The following SLC1A2 variants were observed in gnomAD, a reference collection of about 807,000 sequenced individuals.
SLC1A2 encodes the protein excitatory amino acid transporter 2.
SLC1A2 carries 15 observed loss-of-function variants against 48.8 expected under a neutral mutation model. The observed-to-expected ratio is 0.31, with a 90% CI of 0.21 to 0.47. SLC1A2 has a LOEUF of 0.47. SLC1A2 is among the 20% of genes least tolerant of loss of function. SLC1A2 has a pLI of 0.99. For missense variants in SLC1A2, 502 were observed against 730.5 expected, an observed-to-expected ratio of 0.69 and a Z score of 3.61; for synonymous variants, 279 against 272.6, an observed-to-expected ratio of 1.02 and a Z score of -0.23.
intron 1 of SLC1A2, among the ~76,000 whole-genome samples, chr11:35,399,410 C>CTCTAAATCTAAATCTAAATCTAAA (rs1319648560): frequency 6.6e-6 from 1 of 152,210 alleles, no homozygotes; most frequent in Non-Finnish European, 1.5e-5. Flanking sequence ...TGATTGATTT[C>CTCTAAATCTAAATCTAAATCTAAA]TCTAAAAGAT....
At chr11:35,302,449 G>C (rs1851383823) in intron 5 of SLC1A2, among the ~76,000 whole-genome samples, 2 of 151,970 alleles carry the variant, frequency 1.3e-5, no homozygotes, top group African/African-American at 4.8e-5. Flanking sequence ...TGACATTCTT[G>C]ACTTGTATCT....
intron 1 of SLC1A2, among the ~76,000 whole-genome samples, chr11:35,327,080 G>A (rs544725478): frequency 6.6e-6 from 1 of 152,298 alleles, no homozygotes; most frequent in African/African-American, 2.4e-5. Flanking sequence ...GAAGTCAACC[G>A]TGTTTGAAAT....
intron 9 of SLC1A2, 30 bp from the exon 10 acceptor site, chr11:35,265,788 G>A (rs1220191827): frequency 7.0e-7 from 1 of 1,422,956 alleles, no homozygotes; most frequent in African/African-American, 1.4e-5. Context: ...AAGGTTCAGT[G>A]AGGAAGCAGT....
chr11:35,342,343 T>G (rs944652399), intron 1 of SLC1A2, among the ~76,000 whole-genome samples: 1 of 152,210 alleles, frequency 6.6e-6, no homozygotes, highest in Admixed American at 6.5e-5. Flanking sequence ...TTATCCAGGA[T>G]GTACTAAGCT....
At chr11:35,291,208 G>A (rs1218303589) in intron 7 of SLC1A2, among the ~76,000 whole-genome samples, 4 of 152,122 alleles carry the variant, frequency 2.6e-5, no homozygotes, top group African/African-American at 9.7e-5. Context: ...ATGATTGCAA[G>A]CTGAAAGTAA....
In SLC1A2 at chr11:35,306,156, G is replaced by A. The variant is rs770890689; in HGVS notation, c.648C>T (p.Asn216=). 9.3e-6 allele frequency: 15 copies of A among 1,613,974 alleles called. No homozygotes were observed. Among genetic ancestry groups the A allele is most frequent in the East Asian group, 2.2e-5 (1 of 44,878 alleles). The part of the protein sequence containing the change: ...NATSAVVSLL[N]ETVTEVPEET... ...CCTCCGGCACCTCAGTCACAGTCTCGTTCAACAGAGAGACAACAGCGCTGG... is the reference window on the plus strand; with the variant it reads ...CCTCCGGCACCTCAGTCACAGTCTCATTCAACAGAGAGACAACAGCGCTGG... The change falls in exon 5 of 11, where the codon AAC becomes AAT. Residue 216 remains asparagine (N), a synonymous_variant. Coordinates refer to ENST00000278379, the MANE Select transcript of SLC1A2 (RefSeq NM_004171.4).
chr11:35,267,634 C>A (rs895341360), intron 9 of SLC1A2, among the ~76,000 whole-genome samples: 1 of 152,154 alleles, frequency 6.6e-6, no homozygotes, highest in African/African-American at 2.4e-5. Flanking sequence ...AACTAGCTGA[C>A]CTATTTGTCC....
intron 1 of SLC1A2, chr11:35,374,429 CT>C: frequency 2.2e-6 from 1 of 462,668 alleles, no homozygotes; most frequent in Non-Finnish European, 4.1e-6. Context: ...GAAAAGAGAC[CT>C]ACAATTTGAA....
chr11:35,368,881 C>G (rs1459285517), intron 1 of SLC1A2, among the ~76,000 whole-genome samples: 1 of 152,226 alleles, frequency 6.6e-6, no homozygotes, highest in Non-Finnish European at 1.5e-5. Flanking sequence ...TCTTGTCTAG[C>G]ACCACTTGGA....
At chr11:35,354,202 A>G (rs1853374665) in intron 1 of SLC1A2, among the ~76,000 whole-genome samples, 1 of 152,182 alleles carries the variant, frequency 6.6e-6, no homozygotes, top group South Asian at 2.1e-4. Context: ...CTGTAATCCC[A>G]GGGCTTTTGG....
intron 1 of SLC1A2, among the ~76,000 whole-genome samples, chr11:35,373,300 T>C (rs773376568): frequency 2.6e-4 from 39 of 152,206 alleles, no homozygotes; most frequent in Non-Finnish European, 2.6e-4. Flanking sequence ...CAACACCTTC[T>C]TTCAGACCTC....
At chr11:35,294,955 G>A (rs919194892) in intron 6 of SLC1A2, among the ~76,000 whole-genome samples, 2 of 152,224 alleles carry the variant, frequency 1.3e-5, no homozygotes, top group African/African-American at 4.8e-5. Flanking sequence ...GGAATAGGAT[G>A]AGCATTAAGT....
rs1950328529 is a variant in SLC1A2 at position 35,257,434 on chromosome 11, T to C, written c.*3460A>G. On this transcript the variant is annotated 3_prime_UTR_variant, in exon 11 of 11. Coordinates refer to ENST00000278379, the MANE Select transcript of SLC1A2 (RefSeq NM_004171.4). ...TTCCGCAGACAGCAAAACCATAGGC[T>C]GTGTTTCTACACACTCAATAGGAAG... The C allele has an allele frequency of 6.6e-6, 1 of 152,242 alleles. No homozygotes were observed. The highest frequency in any genetic ancestry group is 1.5e-5 in the Non-Finnish European group (1 of 68,048). 9.4% of individuals were successfully genotyped at this position (152,242 alleles called of 1,614,324 possible).
chr11:35,348,168 G>C (rs185708263), intron 1 of SLC1A2, among the ~76,000 whole-genome samples: 146 of 152,296 alleles, frequency 9.6e-4, no homozygotes, highest in African/African-American at 3.4e-3. Flanking sequence ...TTCATAAGCA[G>C]AGCCTCCCCA....
chr11:35,275,812 T>A (rs1850422595), intron 9 of SLC1A2, among the ~76,000 whole-genome samples: 1 of 152,188 alleles, frequency 6.6e-6, no homozygotes, highest in Non-Finnish European at 1.5e-5. Context: ...CTGCTTTTCC[T>A]CCACAGACTA....
At chr11:35,326,225 T>C (rs1180739920) in intron 1 of SLC1A2, among the ~76,000 whole-genome samples, 2 of 152,184 alleles carry the variant, frequency 1.3e-5, no homozygotes, top group Non-Finnish European at 2.9e-5. Context: ...AAGGATATCT[T>C]AGGACCCAAC....
chr11:35,284,048 T>G (rs1850726389), intron 8 of SLC1A2, among the ~76,000 whole-genome samples: 1 of 141,644 alleles, frequency 7.1e-6, no homozygotes, highest in Admixed American at 7.4e-5. Context: ...TGAGGCTCCC[T>G]TATAGTATAT....
chr11:35,290,360 T>C (rs1218584441), intron 7 of SLC1A2, among the ~76,000 whole-genome samples: 1 of 152,196 alleles, frequency 6.6e-6, no homozygotes. Context: ...CAGTGCATTA[T>C]TATGCAGTTT....
At chr11:35,336,201 A>G (rs1009837969) in intron 1 of SLC1A2, among the ~76,000 whole-genome samples, 14 of 152,172 alleles carry the variant, frequency 9.2e-5, no homozygotes, top group East Asian at 5.8e-4. Context: ...ATTAGGAAAA[A>G]TAGCTAATGC....
Sources: gnomAD v4.1 joint callset for allele counts (sites outside exome capture counted in the v4.1 genomes callset) on GRCh38, gnomAD v4.1.1 for gene constraint, MANE v1.5 for transcripts, NCBI Gene and HGNC (gene_info 2026-07-23, HGNC 2026-07-21) for gene names.